Variants in ELF2 observed in about 807,000 individuals in gnomAD.
ELF2 encodes ETS-related transcription factor Elf-2.
A neutral mutation model predicts 54.8 loss-of-function variants in ELF2; 11 were observed. That is an observed-to-expected ratio of 0.20 (90% CI 0.13 to 0.33). The LOEUF (loss-of-function observed/expected upper bound fraction) is 0.33, where lower values mean the gene tolerates loss of function less well. ELF2 is among the 10% of genes least tolerant of loss of function. The pLI is 1.00. For missense variants in ELF2, 513 were observed against 703.0 expected (o/e 0.73, Z 3.06); for synonymous variants, 203 against 245.1 (o/e 0.83, Z 1.61).
At chr4:139,097,839 T>A (rs535915283) in intron 4 of ELF2, among the ~76,000 whole-genome samples, 1 of 152,320 alleles carries the variant, frequency 6.6e-6, no homozygotes, top group African/African-American at 2.4e-5. Flanking sequence ...TCACCCAGGC[T>A]GGAGTACAAT....
At chr4:139,157,141 T>C (rs1740631285) in intron 1 of ELF2, among the ~76,000 whole-genome samples, 1 of 152,194 alleles carries the variant, frequency 6.6e-6, no homozygotes, top group Admixed American at 6.5e-5. Context: ...ATATGGCTTA[T>C]TGCTCCCAGT....
chr4:139,098,159 C>G (rs1235131031), intron 4 of ELF2, among the ~76,000 whole-genome samples: 1 of 152,026 alleles, frequency 6.6e-6, no homozygotes, highest in Admixed American at 6.5e-5. Flanking sequence ...TTTGTTAAGC[C>G]CTTTGTAGTT....
chr4:139,145,259 G>A (rs1358907239), intron 1 of ELF2, among the ~76,000 whole-genome samples: 1 of 152,214 alleles, frequency 6.6e-6, no homozygotes, highest in African/African-American at 2.4e-5. Context: ...ACGCACTACG[G>A]CTATTTACAA....
At chr4:139,111,618 T>C (rs1270470278) in intron 4 of ELF2, among the ~76,000 whole-genome samples, 1 of 150,986 alleles carries the variant, frequency 6.6e-6, no homozygotes, top group Non-Finnish European at 1.5e-5. Flanking sequence ...TGGCATTCAA[T>C]CAGGACTCGC....
chr4:139,128,544 C>A (rs1305406313), intron 3 of ELF2, among the ~76,000 whole-genome samples: 2 of 146,494 alleles, frequency 1.4e-5, no homozygotes, highest in Non-Finnish European at 3.0e-5. Context: ...TTTTTTGAGA[C>A]AGGGTCTAGC....
chr4:139,068,104 T>C (rs1318109126), intron 6 of ELF2, among the ~76,000 whole-genome samples: 3 of 151,922 alleles, frequency 2.0e-5, no homozygotes, highest in Non-Finnish European at 1.5e-5. Flanking sequence ...CACTGCAACC[T>C]CTGCCTCCCG....
intron 4 of ELF2, among the ~76,000 whole-genome samples, chr4:139,083,495 G>A (rs2148731912): frequency 6.6e-6 from 1 of 152,286 alleles, no homozygotes; most frequent in South Asian, 2.1e-4. Context: ...CCCTGTCCAG[G>A]ACCGTTACTC....
chr4:139,139,200 G>A (rs1303596140), intron 2 of ELF2, among the ~76,000 whole-genome samples: 8 of 151,910 alleles, frequency 5.3e-5, no homozygotes, highest in Admixed American at 3.3e-4. Context: ...GAAACTTCTA[G>A]AATAGAATGA....
intron 4 of ELF2, chr4:139,116,631 A>C: frequency 1.2e-5 from 12 of 975,608 alleles, no homozygotes; most frequent in Non-Finnish European, 1.5e-5. Flanking sequence ...ATTCTTAATA[A>C]ATTAAAAACC....
rs141790178 is a variant in ELF2 at position 139,123,953 on chromosome 4, T to G, written c.238+1211A>C. Among the ~76,000 whole-genome samples the G allele has an allele frequency of 5.9e-5, 9 of 152,264 alleles. No individual in the cohort carries two copies. In the East Asian group the frequency reaches 1.7e-3, roughly 29 times the overall value. Reference sequence around the variant, plus strand: ...CTTCAGACTGGAAAATTCTCCAAACTCTCATAAAAAGATATGCACTATATA... The same window carrying G: ...CTTCAGACTGGAAAATTCTCCAAACGCTCATAAAAAGATATGCACTATATA... On this transcript the variant is annotated intron_variant, in intron 4 of 9. Coordinates refer to ENST00000686138, the MANE Select transcript of ELF2 (RefSeq NM_001331036.3).
intron 3 of ELF2, among the ~76,000 whole-genome samples, chr4:139,133,825 T>C (rs1460044566): frequency 6.6e-6 from 1 of 152,198 alleles, no homozygotes; most frequent in African/African-American, 2.4e-5. Context: ...ATATTGCTAG[T>C]ATATATAAAT....
At chr4:139,099,030 G>A (rs1196858923) in intron 4 of ELF2, among the ~76,000 whole-genome samples, 8 of 152,172 alleles carry the variant, frequency 5.3e-5, no homozygotes, top group African/African-American at 1.9e-4. Flanking sequence ...CCCAAAGTTA[G>A]TATTTTGAAA....
At chr4:139,156,147 T>C (rs966391431) in intron 1 of ELF2, among the ~76,000 whole-genome samples, 3 of 151,702 alleles carry the variant, frequency 2.0e-5, no homozygotes, top group Admixed American at 6.6e-5. Context: ...TAACATGTTA[T>C]TAATTTTATA....
At chr4:139,119,953 T>C (rs1736146253) in intron 4 of ELF2, among the ~76,000 whole-genome samples, 1 of 152,062 alleles carries the variant, frequency 6.6e-6, no homozygotes, top group South Asian at 2.1e-4. Flanking sequence ...TTTGTATTTT[T>C]AGTAGAGATG....
chr4:139,174,387 T>A (rs1742691399), intron 1 of ELF2, among the ~76,000 whole-genome samples: 1 of 152,188 alleles, frequency 6.6e-6, no homozygotes, highest in African/African-American at 2.4e-5. Context: ...TAATCTATAA[T>A]GATAGAAAGT....
intron 1 of ELF2, among the ~76,000 whole-genome samples, chr4:139,160,133 T>G (rs200184752): frequency 1.3e-5 from 2 of 152,056 alleles, no homozygotes; most frequent in Admixed American, 1.3e-4. Context: ...GTCAGGAGAT[T>G]GAGACCATCC....
At chr4:139,155,766 G>A (rs776471664) in intron 1 of ELF2, among the ~76,000 whole-genome samples, 1 of 152,134 alleles carries the variant, frequency 6.6e-6, no homozygotes, top group Non-Finnish European at 1.5e-5. Flanking sequence ...TGAGAATGAG[G>A]TCGTTTTGAG....
chr4:139,142,776 G>A lies in ELF2; in HGVS notation c.-251-3279C>T, dbSNP rs554961028. On this transcript the variant is annotated intron_variant, in intron 1 of 9. Transcript: ENST00000686138. ...CATGATGGCACACCCCTTTGTCCCA[G>A]CTACTCGGGACGCTGGGCAGGTTGA... 2.0e-5 allele frequency among the ~76,000 whole-genome samples: 3 copies of A among 151,980 alleles called. No homozygotes were observed. The South Asian group carries it at 6.2e-4, about 32-fold the overall frequency.
chr4:139,131,262 T>C (rs1331186149), intron 3 of ELF2, among the ~76,000 whole-genome samples: 1 of 152,230 alleles, frequency 6.6e-6, no homozygotes, highest in Non-Finnish European at 1.5e-5. Context: ...TTATCTGAAA[T>C]TCAAATTTAA....
Sources: gnomAD v4.1 joint callset for allele counts (sites outside exome capture counted in the v4.1 genomes callset) on GRCh38, gnomAD v4.1.1 for gene constraint, MANE v1.5 for transcripts, NCBI Gene and HGNC (gene_info 2026-07-23, HGNC 2026-07-21) for gene names.